Variants in CCDC136 observed in about 807,000 individuals in gnomAD.
CCDC136 encodes the protein coiled-coil domain-containing protein 136.
A neutral mutation model predicts 141.2 loss-of-function variants in CCDC136; 100 were observed. The ratio of observed to expected loss-of-function variants is 0.71; its 90% CI spans 0.60 to 0.84. The LOEUF (loss-of-function observed/expected upper bound fraction) is 0.84. Among genes scored for constraint, CCDC136 ranks in the 40% least tolerant of loss-of-function variants. The pLI is 0.00. For synonymous variants in CCDC136, 474 were observed against 531.9 expected, an observed-to-expected ratio of 0.89 and a Z score of 1.50; for missense variants, 1,206 against 1,379.4, an observed-to-expected ratio of 0.87 and a Z score of 1.99.
In CCDC136 at chr7:128,807,401, G is replaced by A. The variant is rs779050359; in HGVS notation, c.1461G>A (p.Leu487=). The A allele has an allele frequency of 3.8e-6, 6 of 1,581,024 alleles. No homozygotes were observed. The highest frequency in any genetic ancestry group is 3.5e-5 in the South Asian group (3 of 85,310). Residue 487 remains leucine (L), a synonymous_variant, in exon 10 of 18, where the codon CTG becomes CTA. Transcript: ENST00000297788. ...THAQLQEMKQ[L]YQASKDELER... is the part of the protein sequence containing the mutation. ...CTCAGCTTCAGGAGATGAAGCAGCT[G>A]TACCAGGCCAGCAAGGACGAGCTGG...
rs776092152 is a variant in CCDC136, at chr7:128,812,283, G to A, written c.2512G>A (p.Glu838Lys). Residue 838 changes from glutamate to lysine, a missense_variant, in exon 13 of 18, where the codon GAG becomes AAG. Coordinates refer to ENST00000297788, the MANE Select transcript of CCDC136 (RefSeq NM_022742.5). ...GAGTTTTGTCAGCAGCTGCACTGAC[G>A]AGGAACCTGCTGAGCCTGAAGACAT... ...QKSFVSSCTD[E>K]EPAEPEDMER... 18 of 1,612,720 alleles carry A rather than the reference G, an allele frequency of 1.1e-5. No individual in the cohort carries two copies. Among genetic ancestry groups the A allele is most frequent in the African/African-American group, 2.7e-5 (2 of 74,914 alleles).
At chr7:128,801,874 G>A (rs1804082977) in intron 4 of CCDC136, among the ~76,000 whole-genome samples, 1 of 152,190 alleles carries the variant, frequency 6.6e-6, no homozygotes, top group African/African-American at 2.4e-5. Flanking sequence ...GCACCATGGA[G>A]AGGTACCCTG....
chr7:128,796,084 T>C (rs1802899929), intron 3 of CCDC136, among the ~76,000 whole-genome samples: 1 of 152,192 alleles, frequency 6.6e-6, no homozygotes, highest in African/African-American at 2.4e-5. Flanking sequence ...CAAGCGATTC[T>C]AGTGCCTCAG....
At chr7:128,809,100 A>C in intron 10 of CCDC136, 2 of 422,300 alleles carry the variant, frequency 4.7e-6, no homozygotes, top group Non-Finnish European at 6.6e-6. Flanking sequence ...AGTTCCCAAC[A>C]GGGTGGGAAT....
upstream of CCDC136, chr7:128,791,445 C>G (rs767344761): frequency 8.1e-4 from 1,042 of 1,286,996 alleles, 2 homozygotes; most frequent in Middle Eastern, 1.2e-3. This position sits in a 1 kb window ranked among gnomAD's most constrained non-coding sequence, Gnocchi z 7.1. Context: ...CCCGGGCTCG[C>G]GGCTGCGGCT....
Position 128,821,716 on chromosome 7 carries a change from T to C in CCDC136, c.*6-83T>C. 1 of 1,123,582 alleles carries C rather than the reference T, an allele frequency of 8.9e-7. No individual in the cohort carries two copies. The highest frequency in any genetic ancestry group is 1.2e-6 in the Non-Finnish European group (1 of 840,252). 69.6% of individuals were successfully genotyped at this position (1,123,582 alleles called of 1,614,324 possible). A position where few individuals can be genotyped will look rare whatever the true frequency, so the allele number is the denominator to read the frequency against. Reference sequence around the variant, plus strand: ...GATCCACAATGTTCCTGAGGTGTCTTGGGCACCCATAGGCAGGTGACTTCT... The same window carrying C: ...GATCCACAATGTTCCTGAGGTGTCTCGGGCACCCATAGGCAGGTGACTTCT... On this transcript the variant is annotated intron_variant, in intron 17 of 17. Coordinates refer to ENST00000297788, the MANE Select transcript of CCDC136 (RefSeq NM_022742.5). The surrounding 1 kb of genome is among the most constrained non-coding windows in gnomAD (Gnocchi z 5.1).
At chr7:128,802,076 G>T (rs1804114719) in intron 4 of CCDC136, among the ~76,000 whole-genome samples, 1 of 152,186 alleles carries the variant, frequency 6.6e-6, no homozygotes, top group Non-Finnish European at 1.5e-5. Flanking sequence ...CAGGTGCAGG[G>T]ATGCTAATTC....
intron 16 of CCDC136, 121 bp downstream of exon 16, chr7:128,816,052 G>GT: frequency 1.1e-6 from 1 of 922,094 alleles, no homozygotes; most frequent in Non-Finnish European, 1.6e-6. Flanking sequence ...CGCGCTCTAA[G>GT]GCACAACCCT....
chr7:128,811,400 GC>G (rs1381945869), intron 12 of CCDC136: 1 of 459,996 alleles, frequency 2.2e-6, no homozygotes, highest in South Asian at 1.6e-5. Context: ...CAAGGCCGGG[GC>G]TGATTTTAGA....
chr7:128,807,209 C>T lies in CCDC136; in HGVS notation c.1420-151C>T, dbSNP rs544484441. The T allele has an allele frequency of 6.5e-3, 2,842 of 434,010 alleles. 15 individuals are homozygous for T. Among genetic ancestry groups the T allele is most frequent in the South Asian group, 0.011 (104 of 9,438 alleles). The allele number at this position is 434,010 out of a possible 1,614,324, so 26.9% of individuals were successfully genotyped here. On this transcript the variant is annotated intron_variant, in intron 9 of 17. Transcript: ENST00000297788. ...GTCTGTGTTTCAAGCCTGTCAGGGA[C>T]GGGTCCATCTTGGGTATCTATCCCT...
intron 3 of CCDC136, 42 bp from the exon 4 acceptor site, chr7:128,801,144 T>C (rs766900593): frequency 1.1e-5 from 16 of 1,479,480 alleles, no homozygotes; most frequent in East Asian, 4.6e-5. Flanking sequence ...GGTAGGTTAG[T>C]TCACCTGCCC....
rs551020746 is a variant in CCDC136 at position 128,800,474 on chromosome 7, T to A, written c.347-712T>A. 2.0e-5 allele frequency among the ~76,000 whole-genome samples: 3 copies of A among 151,296 alleles called. No homozygotes were observed. The South Asian group carries it at 6.3e-4, about 32-fold the overall frequency. On this transcript the variant is annotated intron_variant, in intron 3 of 17. Coordinates refer to ENST00000297788, the MANE Select transcript of CCDC136 (RefSeq NM_022742.5). ...CCTGGCTTTCTTTTTTTTTTTTTTT[T>A]AGCGAAGACTGGGTTTCACCATGTT...
rs768798393 is a variant in CCDC136 at position 128,814,767 on chromosome 7, C to A, written c.2893C>A (p.Arg965Ser). ...GCTGCAGTGCTGCCAGGAGGAGCTC[C>A]GCCAGCTCAGGGAGAAGAGGCCTTC... ...GQLQCCQEEL[R>S]QLREKRPSVV... is the part of the protein sequence containing the mutation. The change falls in exon 15 of 18, where the codon CGC (arginine) becomes AGC (serine). Residue 965 changes from arginine to serine, a missense_variant. By Grantham distance (110) the Arg-to-Ser change is moderately radical (BLOSUM62 -1). Coordinates refer to ENST00000297788, the MANE Select transcript of CCDC136 (RefSeq NM_022742.5). 3 of 1,613,426 alleles carry A rather than the reference C, an allele frequency of 1.9e-6. No individual in the cohort carries two copies. The highest frequency in any genetic ancestry group is 1.7e-6 in the Non-Finnish European group (2 of 1,179,662).
intron 1 of CCDC136, among the ~76,000 whole-genome samples, chr7:128,792,680 CAGAG>C (rs1427271713): frequency 1.3e-5 from 2 of 152,176 alleles, no homozygotes; most frequent in Non-Finnish European, 2.9e-5. Flanking sequence ...AGCTGCCAGA[CAGAG>C]AAAGAGGCCT....
chr7:128,798,067 G>A lies in CCDC136; in HGVS notation c.347-3119G>A, dbSNP rs1424689813. ...CGAGTAGCTGAGACTACAGGCGCCC[G>A]CCACCACACCCGGCTAATTTTTTGT... On this transcript the variant is annotated intron_variant, in intron 3 of 17. Coordinates refer to ENST00000297788, the MANE Select transcript of CCDC136 (RefSeq NM_022742.5). Among the ~76,000 whole-genome samples, 7 of 151,084 alleles carry A rather than the reference G, an allele frequency of 4.6e-5. No homozygotes were observed. The East Asian group carries it at 1.0e-3, about 22-fold the overall frequency.
Position 128,792,411 on chromosome 7 carries a change from G to T in CCDC136, c.-1G>T. On this transcript the variant is annotated 5_prime_UTR_variant, in exon 1 of 18. Coordinates refer to ENST00000297788, the MANE Select transcript of CCDC136 (RefSeq NM_022742.5). ...GCTGGGGGTCCCTGGAACGACGGGG[G>T]ATGCAAGCTATGGAGGGTGAGTTTT... The T allele has an allele frequency of 1.9e-6, 3 of 1,611,022 alleles. No homozygotes were observed. The highest frequency in any genetic ancestry group is 1.7e-6 in the Non-Finnish European group (2 of 1,178,434).
intron 3 of CCDC136, among the ~76,000 whole-genome samples, chr7:128,796,739 A>ATTTTTTTT (rs1554377202): frequency 2.6e-5 from 3 of 113,384 alleles, no homozygotes; most frequent in East Asian, 3.6e-4. Context: ...ATATATATAT[A>ATTTTTTTT]TTCTTTTTTT....
In CCDC136 at chr7:128,814,919, G is replaced by A; in HGVS notation, c.3045G>A (p.Lys1015=). 1 of 1,581,686 alleles carries A rather than the reference G, an allele frequency of 6.3e-7. No homozygotes were observed. Among genetic ancestry groups the A allele is most frequent in the Non-Finnish European group, 8.6e-7 (1 of 1,161,970 alleles). Residue 1015 remains lysine (K), a splice_region_variant and synonymous_variant, in exon 15 of 18, where the codon AAG becomes AAA. Transcript: ENST00000297788. ...DTSESDLETR[K]SLEVVLYYKA... ...CTGAGAGCGACCTTGAGACCAGAAA[G>A]GTGAGTAGTAACCTTGGTAGCCAGA... is the stretch of plus-strand genomic sequence containing the variant.
At chr7:128,793,255 A>G (rs145442936) in intron 1 of CCDC136, among the ~76,000 whole-genome samples, 201 of 152,366 alleles carry the variant, frequency 1.3e-3, no homozygotes, top group African/African-American at 4.7e-3. Flanking sequence ...GGGGGCCAGC[A>G]CCAAACCCCA....
Sources: gnomAD v4.1 joint callset for allele counts (sites outside exome capture counted in the v4.1 genomes callset) on GRCh38, gnomAD v4.1.1 for gene constraint, Gnocchi (gnomAD v3.1) non-coding constraint, MANE v1.5 for transcripts, NCBI Gene and HGNC (gene_info 2026-07-23, HGNC 2026-07-21) for gene names.